The following ASXL3 variants were observed in gnomAD, a reference collection of about 807,000 sequenced individuals.
The protein encoded by ASXL3 is putative Polycomb group protein ASXL3.
A neutral mutation model predicts 170.6 loss-of-function variants in ASXL3; 34 were observed. The ratio of observed to expected loss-of-function variants is 0.20; its 90% confidence interval spans 0.15 to 0.27. ASXL3 has a LOEUF of 0.27. Among genes scored for constraint, ASXL3 ranks in the 10% least tolerant of loss-of-function variants. The pLI, the probability that ASXL3 is intolerant of heterozygous loss-of-function variation, is 1.00. For missense variants in ASXL3, 2,592 were observed against 2,695.3 expected, an observed-to-expected ratio of 0.96 and a Z score of 0.85; for synonymous variants, 1,002 against 989.1, an observed-to-expected ratio of 1.01 and a Z score of -0.24.
intron 8 of ASXL3, among the ~76,000 whole-genome samples, chr18:33,699,799 T>G (rs2066838801): frequency 6.6e-6 from 1 of 152,100 alleles, no homozygotes; most frequent in Non-Finnish European, 1.5e-5. Context: ...GTATTTTATT[T>G]CATAATATAG....
chr18:33,692,775 T>C (rs1030433762), intron 8 of ASXL3, among the ~76,000 whole-genome samples: 2 of 152,212 alleles, frequency 1.3e-5, no homozygotes, highest in African/African-American at 4.8e-5. Flanking sequence ...GAGAAATGAC[T>C]TAGCAAGGTA....
intron 1 of ASXL3, among the ~76,000 whole-genome samples, chr18:33,597,569 A>G (rs1185836183): frequency 6.6e-6 from 1 of 152,160 alleles, no homozygotes; most frequent in East Asian, 1.9e-4. Context: ...AGGTAGATGA[A>G]GTTCAGTAAG....
chr18:33,624,432 GT>G (rs1486782165), intron 2 of ASXL3, among the ~76,000 whole-genome samples: 1 of 151,864 alleles, frequency 6.6e-6, no homozygotes, highest in East Asian at 1.9e-4. Context: ...TAGTGCTCAG[GT>G]TTTTTTGTTG....
intron 7 of ASXL3, among the ~76,000 whole-genome samples, chr18:33,680,986 TC>T (rs1258699223): frequency 6.6e-6 from 1 of 151,988 alleles, no homozygotes; most frequent in Non-Finnish European, 1.5e-5. Flanking sequence ...TTTTGTGCCT[TC>T]CTTTTGATTG....
At chr18:33,715,195 G>C (rs1451803818) in intron 8 of ASXL3, among the ~76,000 whole-genome samples, 2 of 152,160 alleles carry the variant, frequency 1.3e-5, no homozygotes, top group Non-Finnish European at 2.9e-5. Flanking sequence ...ACTAGGTTGT[G>C]CATGTGTGGA....
chr18:33,662,592 C>A (rs745534332), intron 5 of ASXL3, among the ~76,000 whole-genome samples: 2 of 152,066 alleles, frequency 1.3e-5, no homozygotes, highest in African/African-American at 4.8e-5. Flanking sequence ...ATGGAGCCAT[C>A]GTATGATGAT....
chr18:33,594,303 A>T (rs1487986151), intron 1 of ASXL3, among the ~76,000 whole-genome samples: 1 of 152,160 alleles, frequency 6.6e-6, no homozygotes, highest in Non-Finnish European at 1.5e-5. Context: ...CTTTTTTCAA[A>T]GGGATGGGTA....
At chr18:33,582,028 C>T (rs575409008) in intron 1 of ASXL3, among the ~76,000 whole-genome samples, 1 of 152,264 alleles carries the variant, frequency 6.6e-6, no homozygotes, top group South Asian at 2.1e-4. Flanking sequence ...AGTTGTGTTA[C>T]TTTGCGCATT....
chr18:33,676,430 C>T (rs78280279), intron 7 of ASXL3, among the ~76,000 whole-genome samples: 6,620 of 151,984 alleles, frequency 0.044, 181 homozygotes, highest in Non-Finnish European at 0.05. Flanking sequence ...ATTGAATAGA[C>T]TTGGTCACGG....
chr18:33,578,591 A>T lies in ASXL3; in HGVS notation c.-41A>T. ...GCCCGAACCCCGAGCACCCCGTGGA[A>T]TCCCCCACGTCATCATCAGAACCAT... On this transcript the variant is annotated 5_prime_UTR_variant, in exon 1 of 12. Coordinates refer to ENST00000269197, the MANE Select transcript of ASXL3 (RefSeq NM_030632.3). The T allele has an allele frequency of 8.2e-7, 1 of 1,219,914 alleles. No individual in the cohort carries two copies. Among genetic ancestry groups the T allele is most frequent in the Non-Finnish European group, 1.1e-6 (1 of 943,066 alleles). The allele number at this position is 1,219,914 out of a possible 1,614,324, so 75.6% of individuals were successfully genotyped here.
intron 1 of ASXL3, among the ~76,000 whole-genome samples, chr18:33,591,712 G>A (rs1409410077): frequency 6.6e-6 from 1 of 151,506 alleles, no homozygotes; most frequent in East Asian, 1.9e-4. Context: ...CGCGATCTCG[G>A]CTCACTGCAA....
rs1314398544 is a variant in ASXL3, at chr18:33,746,040, T to C, written c.6192T>C (p.Thr2064=). The C allele has an allele frequency of 6.2e-7, 1 of 1,611,880 alleles. No homozygotes were observed. Among genetic ancestry groups the C allele is most frequent in the South Asian group, 1.1e-5 (1 of 90,974 alleles). Residue 2064 remains threonine, a synonymous_variant, in exon 12 of 12, where the codon ACT becomes ACC. Transcript: ENST00000269197. ...QKQPPVTMET[T]KRLSWPQSTG... ...AACCTCCAGTTACCATGGAAACCAC[T>C]AAGAGACTTAGTTGGCCACAGTCCA...
Position 33,739,932 on chromosome 18 carries a change from A to T in ASXL3, c.2528A>T (p.Asp843Val), listed in dbSNP as rs1252215261. 8 of 1,613,978 alleles carry T rather than the reference A, an allele frequency of 5.0e-6. No homozygotes were observed. In the South Asian group the frequency reaches 8.8e-5, roughly 18 times the overall value. The change falls in exon 11 of 12, where the codon GAC (aspartate) becomes GTC (valine). Residue 843 changes from aspartate (D) to valine (V), a missense_variant. Asp to Val is a radical substitution (Grantham distance 152, BLOSUM62 -3). This residue lies in a region of ASXL3 where 2,246 missense variants were observed against 2,219.6 expected (regional missense o/e 1.01). Transcript: ENST00000269197. ...LSQQTCKSHV[D>V]TEKPYPASIP... ...CAGCAAACCTGTAAATCACATGTTG[A>T]CACTGAGAAGCCCTACCCTGCTTCA... is the stretch of plus-strand genomic sequence containing the variant.
At position 33,744,119 on chromosome 18, in the gene ASXL3, A is replaced by T; in HGVS notation, c.4271A>T (p.Asn1424Ile). Residue 1424 changes from asparagine to isoleucine, a missense_variant, in exon 12 of 12, where the codon AAC becomes ATC. Physicochemically the swap from Asn to Ile is moderately radical, Grantham distance 149 (BLOSUM62 -3). Around this residue, in one of 4 missense-constraint regions of ASXL3, gnomAD observed 2,246 missense variants for 2,219.6 expected, o/e 1.01. Coordinates refer to ENST00000269197, the MANE Select transcript of ASXL3 (RefSeq NM_030632.3). ...AMFTGNMLTI[N>I]SYDSPPKLSA... is the part of the protein sequence containing the mutation. ...TTTACTGGAAACATGCTGACAATAA[A>T]CTCTTATGATAGTCCTCCCAAGTTA... The T allele has an allele frequency of 6.2e-7, 1 of 1,613,942 alleles. No homozygotes were observed. Among genetic ancestry groups the T allele is most frequent in the Non-Finnish European group, 8.5e-7 (1 of 1,179,888 alleles).
chr18:33,592,578 T>G (rs9304124), intron 1 of ASXL3, among the ~76,000 whole-genome samples: 29,932 of 152,136 alleles, frequency 0.2, 5,748 homozygotes, highest in African/African-American at 0.5. Context: ...TTGGTTCTTG[T>G]CTGGAAATGT....
In ASXL3 at chr18:33,578,574, C is replaced by G; in HGVS notation, c.-58C>G. ...TGGGTCATTGTCTCCGCGCCCGAAC[C>G]CCGAGCACCCCGTGGAATCCCCCAC... On this transcript the variant is annotated 5_prime_UTR_variant, in exon 1 of 12. Transcript: ENST00000269197. 1 of 1,141,228 alleles carries G rather than the reference C, an allele frequency of 8.8e-7. No individual in the cohort carries two copies. Among genetic ancestry groups the G allele is most frequent in the Non-Finnish European group, 1.1e-6 (1 of 882,106 alleles). 70.7% of individuals were successfully genotyped at this position (1,141,228 alleles called of 1,614,324 possible). A position where few individuals can be genotyped will look rare whatever the true frequency, so the allele number is the denominator to read the frequency against.
rs1599411841 is a variant in ASXL3, at chr18:33,625,506, T to C, written c.137+17830T>C. On this transcript the variant is annotated intron_variant, in intron 2 of 11. Coordinates refer to ENST00000269197, the MANE Select transcript of ASXL3 (RefSeq NM_030632.3). ...TCAAAATAATGTTTTCTGAGTTTTA[T>C]GCCTAGGTGAGTCAATTCTTTGCAT... Among the ~76,000 whole-genome samples, 2 of 152,306 alleles carry C rather than the reference T, an allele frequency of 1.3e-5. 1 individual carries two copies. Among genetic ancestry groups the C allele is most frequent in the East Asian group, 3.9e-4 (2 of 5,174 alleles).
intron 8 of ASXL3, among the ~76,000 whole-genome samples, chr18:33,724,577 A>G (rs1054431598): frequency 6.6e-6 from 1 of 152,116 alleles, no homozygotes; most frequent in Admixed American, 6.6e-5. Context: ...GTTCTATGAG[A>G]TACTGATGGT....
At position 33,646,880 on chromosome 18, in the gene ASXL3, C is replaced by CGG. The variant is rs56102471; in HGVS notation, c.355+538_355+539dup. ...AACCTTCCAGAATTTTAAGGGGGAG[C>CGG]GGGGGGGGGGGGCATTTTTCACCTC... On this transcript the variant is annotated intron_variant, in intron 4 of 11. Coordinates refer to ENST00000269197, the MANE Select transcript of ASXL3 (RefSeq NM_030632.3). 6.6e-3 allele frequency among the ~76,000 whole-genome samples: 291 copies of CGG among 43,858 alleles called. 10 individuals carry two copies. The highest frequency in any genetic ancestry group is 0.02 in the African/African-American group (191 of 9,536). 28.8% of individuals were successfully genotyped at this position (43,858 alleles called of 152,430 possible).
Sources: allele counts gnomAD v4.1 joint callset (sites outside exome capture counted in the v4.1 genomes callset), GRCh38; gene constraint gnomAD v4.1.1; regional missense constraint gnomAD v4.1.1; transcripts MANE v1.5; gene names NCBI Gene and HGNC (gene_info 2026-07-23, HGNC 2026-07-21).